CENPW: variants seen among roughly 807,000 people sequenced by gnomAD.
CENPW encodes the protein centromere protein W.
Under a neutral mutation model 11.1 loss-of-function variants are expected in CENPW, and 3 were observed. The observed-to-expected ratio is 0.27, with a 90% confidence interval of 0.12 to 0.70. CENPW has a LOEUF of 0.70. Ranked by LOEUF, CENPW falls within the 30% of genes least tolerant of loss-of-function variation. The pLI is 0.77. For synonymous variants in CENPW, 38 were observed against 42.0 expected (o/e 0.91, Z 0.37); for missense variants, 100 against 105.6 (o/e 0.95, Z 0.23).
At chr6:126,476,887 G>A in the CENPW span, among the ~76,000 whole-genome samples, 2 of 151,914 alleles carry the variant, frequency 1.3e-5, no homozygotes, top group Non-Finnish European at 2.9e-5. Context: ...AACCAGATGG[G>A]TTAATGTCTA....
the CENPW span, among the ~76,000 whole-genome samples, chr6:126,408,599 A>G: frequency 6.6e-6 from 1 of 152,178 alleles, no homozygotes; most frequent in Non-Finnish European, 1.5e-5. Flanking sequence ...TACAAAAATT[A>G]ACTCAAGATG....
the CENPW span, among the ~76,000 whole-genome samples, chr6:126,394,276 CT>C: frequency 6.6e-6 from 1 of 151,372 alleles, no homozygotes; most frequent in Admixed American, 6.6e-5. Context: ...TAATTCCTTG[CT>C]TTTTATTTTT....
At chr6:126,422,606 A>C in the CENPW span, among the ~76,000 whole-genome samples, 1 of 152,112 alleles carries the variant, frequency 6.6e-6, no homozygotes, top group African/African-American at 2.4e-5. Context: ...AGTCTATCAC[A>C]GTCTTTCATT....
chr6:126,376,705 A>G, the CENPW span, among the ~76,000 whole-genome samples: 1 of 152,194 alleles, frequency 6.6e-6, no homozygotes, highest in Non-Finnish European at 1.5e-5. Flanking sequence ...TAGATGTATT[A>G]AAATGTTAAA....
chr6:126,349,867 A>T (rs1198385908), downstream of CENPW, among the ~76,000 whole-genome samples: 2 of 151,856 alleles, frequency 1.3e-5, no homozygotes, highest in African/African-American at 4.8e-5. Context: ...TATTTTTTTT[A>T]AAAGACTGAA....
downstream of CENPW, among the ~76,000 whole-genome samples, chr6:126,350,269 C>G (rs1457720567): frequency 6.6e-6 from 1 of 152,104 alleles, no homozygotes. Context: ...ATACCATGCA[C>G]TGGATAGCTT....
chr6:126,367,049 A>G, the CENPW span, among the ~76,000 whole-genome samples: 1 of 152,196 alleles, frequency 6.6e-6, no homozygotes, highest in Non-Finnish European at 1.5e-5. Context: ...TTTCCAACAC[A>G]TGCATTTTGG....
At chr6:126,436,017 C>T in the CENPW span, among the ~76,000 whole-genome samples, 1 of 151,676 alleles carries the variant, frequency 6.6e-6, no homozygotes, top group Non-Finnish European at 1.5e-5. Flanking sequence ...TGAGATGATA[C>T]CTTTTGGGAC....
At chr6:126,369,127 C>A in the CENPW span, among the ~76,000 whole-genome samples, 1 of 151,310 alleles carries the variant, frequency 6.6e-6, no homozygotes, top group Non-Finnish European at 1.5e-5. Context: ...TTTTTTATGG[C>A]TGAGTAGTAT....
At chr6:126,427,553 C>T in the CENPW span, among the ~76,000 whole-genome samples, 1 of 152,198 alleles carries the variant, frequency 6.6e-6, no homozygotes, top group South Asian at 2.1e-4. Context: ...ACCCTCCTTA[C>T]ACTACCTCAC....
the CENPW span, among the ~76,000 whole-genome samples, chr6:126,365,487 A>C: frequency 6.6e-6 from 1 of 152,226 alleles, no homozygotes; most frequent in African/African-American, 2.4e-5. Context: ...GGGAGACACT[A>C]CACACTTTCA....
the CENPW span, among the ~76,000 whole-genome samples, chr6:126,379,927 G>A: frequency 1.3e-5 from 2 of 152,092 alleles, no homozygotes; most frequent in Non-Finnish European, 2.9e-5. Flanking sequence ...TTTTTATAAA[G>A]TTCCCATAAA....
the CENPW span, among the ~76,000 whole-genome samples, chr6:126,409,764 A>AT: frequency 6.6e-6 from 1 of 151,970 alleles, no homozygotes; most frequent in Non-Finnish European, 1.5e-5. Context: ...TGAGTGAAAT[A>AT]TTTTTTACGA....
chr6:126,416,914 C>T, the CENPW span, among the ~76,000 whole-genome samples: 1 of 152,178 alleles, frequency 6.6e-6, no homozygotes, highest in Non-Finnish European at 1.5e-5. Context: ...TACTGGGGCA[C>T]TACCTAGTGG....
At chr6:126,430,816 A>G in the CENPW span, among the ~76,000 whole-genome samples, 4 of 152,174 alleles carry the variant, frequency 2.6e-5, no homozygotes, top group Admixed American at 2.6e-4. Context: ...GCTACTGGGG[A>G]GGCTGAGGCA....
At chr6:126,381,808 C>T in the CENPW span, among the ~76,000 whole-genome samples, 9 of 152,216 alleles carry the variant, frequency 5.9e-5, no homozygotes, top group Non-Finnish European at 8.8e-5. Context: ...TTCCTAACCT[C>T]GAGGAGTCAG....
chr6:126,469,025 C>T, the CENPW span, among the ~76,000 whole-genome samples: 1 of 152,088 alleles, frequency 6.6e-6, no homozygotes, highest in Non-Finnish European at 1.5e-5. Flanking sequence ...AAGTACTGAC[C>T]TCAAGTGATC....
At chr6:126,474,470 G>T in the CENPW span, among the ~76,000 whole-genome samples, 1 of 152,210 alleles carries the variant, frequency 6.6e-6, no homozygotes, top group Admixed American at 6.6e-5. Context: ...GTGGAGGTTT[G>T]CTTATATGTG....
the CENPW span, among the ~76,000 whole-genome samples, chr6:126,461,268 G>C: frequency 6.6e-5 from 10 of 151,890 alleles, no homozygotes; most frequent in South Asian, 2.1e-3. Context: ...CCCTACACAC[G>C]CTCTCTTCTC....
Sources: gnomAD v4.1 joint callset for allele counts (sites outside exome capture counted in the v4.1 genomes callset) on GRCh38, gnomAD v4.1.1 for gene constraint, MANE v1.5 for transcripts, NCBI Gene and HGNC (gene_info 2026-07-23, HGNC 2026-07-21) for gene names.